PRDM6: variants seen among roughly 807,000 people sequenced by gnomAD.
PRDM6 encodes putative histone-lysine N-methyltransferase PRDM6.
Under a neutral mutation model 60.8 loss-of-function variants are expected in PRDM6, and 25 were observed. The ratio of observed to expected loss-of-function variants is 0.41; its 90% confidence interval spans 0.30 to 0.57. The LOEUF (loss-of-function observed/expected upper bound fraction) is 0.57, where lower values mean the gene tolerates loss of function less well. Ranked by LOEUF, PRDM6 falls within the 20% of genes least tolerant of loss-of-function variation. PRDM6 has a pLI of 0.27. For missense variants in PRDM6, 839 were observed against 821.3 expected, an observed-to-expected ratio of 1.02 and a Z score of -0.26; for synonymous variants, 407 against 357.4, an observed-to-expected ratio of 1.14 and a Z score of -1.57.
intron 5 of PRDM6, among the ~76,000 whole-genome samples, chr5:123,161,763 C>T (rs963946342): frequency 6.6e-6 from 1 of 152,168 alleles, no homozygotes; most frequent in Non-Finnish European, 1.5e-5. Flanking sequence ...AGGACCCTGG[C>T]TCTAACTCTG....
At chr5:123,100,092 A>G in intron 3 of PRDM6, 131 bp downstream of exon 3, 1 of 966,308 alleles carries the variant, frequency 1.0e-6, no homozygotes. Flanking sequence ...CCCAGAGGGT[A>G]GCGGAGAATA....
intron 3 of PRDM6, among the ~76,000 whole-genome samples, chr5:123,135,444 C>T (rs1472532088): frequency 6.6e-6 from 1 of 152,144 alleles, no homozygotes; most frequent in Non-Finnish European, 1.5e-5. Context: ...TGAATGCAGA[C>T]ATTTCTCCAC....
chr5:123,089,720 T>C (rs888634989), intron 1 of PRDM6, among the ~76,000 whole-genome samples: 7 of 152,208 alleles, frequency 4.6e-5, no homozygotes, highest in Admixed American at 1.3e-4. Flanking sequence ...AGCCGAGTTC[T>C]ACGGGGCAGC....
In PRDM6 at chr5:123,187,325, T is replaced by C; in HGVS notation, c.*124T>C. 1 of 641,240 alleles carries C rather than the reference T, an allele frequency of 1.6e-6. No homozygotes were observed. Among genetic ancestry groups the C allele is most frequent in the Non-Finnish European group, 2.8e-6 (1 of 356,076 alleles). 39.7% of individuals were successfully genotyped at this position (641,240 alleles called of 1,614,324 possible). A position where few individuals can be genotyped will look rare whatever the true frequency, so the allele number is the denominator to read the frequency against. On this transcript the variant is annotated 3_prime_UTR_variant, in exon 8 of 8. Coordinates refer to ENST00000407847, the MANE Select transcript of PRDM6 (RefSeq NM_001136239.4). Reference sequence around the variant, plus strand: ...AGTCCCAGAAAACCAAAAGCAGTAATAAAATAAGTAAGATGTTAAGAGATA... The same window carrying C: ...AGTCCCAGAAAACCAAAAGCAGTAACAAAATAAGTAAGATGTTAAGAGATA...
intron 3 of PRDM6, among the ~76,000 whole-genome samples, chr5:123,114,914 C>T (rs187416057): frequency 2.2e-4 from 33 of 152,298 alleles, no homozygotes; most frequent in African/African-American, 7.5e-4. Flanking sequence ...GGAGAACAGT[C>T]TGTAGTGGAA....
chr5:123,115,892 T>C (rs1270689286), intron 3 of PRDM6, among the ~76,000 whole-genome samples: 1 of 152,218 alleles, frequency 6.6e-6, no homozygotes, highest in Non-Finnish European at 1.5e-5. Context: ...ACTAATCATT[T>C]GTTATCCTGA....
chr5:123,120,749 C>T (rs1764562042), intron 3 of PRDM6, among the ~76,000 whole-genome samples: 4 of 151,954 alleles, frequency 2.6e-5, no homozygotes, highest in African/African-American at 7.3e-5. Context: ...AAATATTGTC[C>T]GTTAAATGGA....
chr5:123,110,849 G>A (rs2150212539), intron 3 of PRDM6, among the ~76,000 whole-genome samples: 1 of 152,152 alleles, frequency 6.6e-6, no homozygotes, highest in South Asian at 2.1e-4. Context: ...TCAGGTGTGA[G>A]CCACCACGTC....
At chr5:123,096,673 A>C (rs955616108) in intron 2 of PRDM6, among the ~76,000 whole-genome samples, 1 of 152,246 alleles carries the variant, frequency 6.6e-6, no homozygotes, top group South Asian at 2.1e-4. Context: ...CTGTGGACCT[A>C]ACACACAGAT....
chr5:123,094,231 C>T (rs541930576), intron 2 of PRDM6, among the ~76,000 whole-genome samples: 2 of 152,288 alleles, frequency 1.3e-5, no homozygotes, highest in Non-Finnish European at 2.9e-5. Flanking sequence ...CTAATCCCTT[C>T]CCACCCAGGT....
chr5:123,150,443 T>C (rs1347985448), intron 3 of PRDM6, among the ~76,000 whole-genome samples: 1 of 152,148 alleles, frequency 6.6e-6, no homozygotes, highest in Non-Finnish European at 1.5e-5. Context: ...TATTTAGCAA[T>C]AAAAGAAATC....
rs1479037096 is a variant in PRDM6, at chr5:123,149,989, A to G, written c.901-5895A>G. Among the ~76,000 whole-genome samples the G allele has an allele frequency of 6.6e-5, 10 of 152,284 alleles. 1 individual carries two copies. Among genetic ancestry groups the G allele is most frequent in the African/African-American group, 2.2e-4 (9 of 41,568 alleles). On this transcript the variant is annotated intron_variant, in intron 3 of 7. Transcript: ENST00000407847. ...TAGTTTATTTGCATATGCTGCGCAT[A>G]ATATATTGTGGCCAGTGTCCGTGAG...
At chr5:123,173,453 A>G (rs1274138330) in intron 6 of PRDM6, 1 of 166,962 alleles carries the variant, frequency 6.0e-6, no homozygotes, top group Non-Finnish European at 1.5e-5. Context: ...TCAGATGTCC[A>G]AGTGTGGAAT....
At chr5:123,138,192 CAT>C (rs1765011822) in intron 3 of PRDM6, among the ~76,000 whole-genome samples, 1 of 152,284 alleles carries the variant, frequency 6.6e-6, no homozygotes, top group African/African-American at 2.4e-5. Context: ...AAAACAAGCA[CAT>C]GAGTGAATAT....
At chr5:123,126,586 G>A (rs1168229510) in intron 3 of PRDM6, among the ~76,000 whole-genome samples, 3 of 152,114 alleles carry the variant, frequency 2.0e-5, no homozygotes, top group African/African-American at 7.2e-5. Context: ...AACCAGCCTG[G>A]TGCTTTTTAA....
At chr5:123,093,597 T>C (rs1763891807) in intron 2 of PRDM6, among the ~76,000 whole-genome samples, 1 of 152,190 alleles carries the variant, frequency 6.6e-6, no homozygotes, top group South Asian at 2.1e-4. Context: ...CGCCTTCTCT[T>C]AAAAATCAAG....
chr5:123,149,241 C>T (rs1580519125), intron 3 of PRDM6, among the ~76,000 whole-genome samples: 1 of 152,298 alleles, frequency 6.6e-6, no homozygotes, highest in East Asian at 1.9e-4. Context: ...CTGTTTTCCT[C>T]TCTAGACTGG....
At chr5:123,102,621 G>C (rs1018290717) in intron 3 of PRDM6, among the ~76,000 whole-genome samples, 8 of 151,908 alleles carry the variant, frequency 5.3e-5, no homozygotes, top group Non-Finnish European at 1.2e-4. Flanking sequence ...TCAACAAAAT[G>C]TATTAAAAAA....
chr5:123,101,648 G>A (rs1451022550), intron 3 of PRDM6, among the ~76,000 whole-genome samples: 1 of 152,048 alleles, frequency 6.6e-6, no homozygotes, highest in African/African-American at 2.4e-5. Context: ...CTATTATATT[G>A]CCCTTTGATG....
Sources: gnomAD v4.1 joint callset for allele counts (sites outside exome capture counted in the v4.1 genomes callset) on GRCh38, gnomAD v4.1.1 for gene constraint, MANE v1.5 for transcripts, NCBI Gene and HGNC (gene_info 2026-07-23, HGNC 2026-07-21) for gene names.